The following NEGR1 variants were observed in gnomAD, a reference collection of about 807,000 sequenced individuals.
The protein encoded by NEGR1 is neuronal growth regulator 1, also known as IgLON family member 4.
A neutral mutation model predicts 40.9 loss-of-function variants in NEGR1; 10 were observed. The ratio of observed to expected loss-of-function variants is 0.24; its 90% CI spans 0.15 to 0.42. The LOEUF (loss-of-function observed/expected upper bound fraction) is 0.42, where lower values mean the gene tolerates loss of function less well. NEGR1 is among the 10% of genes least tolerant of loss of function. The probability of loss-of-function intolerance (pLI) is 1.00; values close to 1 mark genes in which losing one functional copy is unlikely to be tolerated. For missense variants in NEGR1, 352 were observed against 438.9 expected, an observed-to-expected ratio of 0.80 and a Z score of 1.77; for synonymous variants, 185 against 166.8, an observed-to-expected ratio of 1.11 and a Z score of -0.84.
At chr1:71,758,635 C>T (rs1194719909) in intron 3 of NEGR1, among the ~76,000 whole-genome samples, 1 of 151,982 alleles carries the variant, frequency 6.6e-6, no homozygotes, top group East Asian at 1.9e-4. Flanking sequence ...TATTCCATAG[C>T]AAAATATTCA....
At chr1:72,108,418 T>A (rs1296193791) in intron 1 of NEGR1, among the ~76,000 whole-genome samples, 1 of 151,554 alleles carries the variant, frequency 6.6e-6, no homozygotes, top group East Asian at 1.9e-4. Flanking sequence ...CACTGGCAAA[T>A]ATGACATATA....
chr1:71,804,948 C>A (rs1039840799), intron 2 of NEGR1, among the ~76,000 whole-genome samples: 2 of 152,138 alleles, frequency 1.3e-5, no homozygotes, highest in Admixed American at 6.5e-5. Context: ...TCGCTGAATT[C>A]TTTTTCTCAG....
intron 6 of NEGR1, among the ~76,000 whole-genome samples, chr1:71,412,165 A>T (rs1009978238): frequency 2.0e-5 from 3 of 152,142 alleles, no homozygotes; most frequent in Admixed American, 2.0e-4. Context: ...ATCTGGTTCT[A>T]GTCAACTTAT....
At chr1:71,466,104 C>A (rs1298878032) in intron 6 of NEGR1, among the ~76,000 whole-genome samples, 2 of 151,870 alleles carry the variant, frequency 1.3e-5, no homozygotes, top group East Asian at 3.9e-4. Context: ...CCCTCACCTG[C>A]AAAATGGTGA....
At chr1:72,033,220 G>T (rs917051991) in intron 1 of NEGR1, among the ~76,000 whole-genome samples, 1 of 152,044 alleles carries the variant, frequency 6.6e-6, no homozygotes, top group Non-Finnish European at 1.5e-5. Flanking sequence ...ATATGTATAG[G>T]ATATGCCTGG....
At chr1:72,132,026 G>C (rs1650274767) in intron 1 of NEGR1, among the ~76,000 whole-genome samples, 1 of 152,146 alleles carries the variant, frequency 6.6e-6, no homozygotes, top group Non-Finnish European at 1.5e-5. Flanking sequence ...TTTAACTTGG[G>C]AGGTGGAGGG....
chr1:71,638,859 T>C (rs557377030), intron 4 of NEGR1, among the ~76,000 whole-genome samples: 3 of 151,958 alleles, frequency 2.0e-5, no homozygotes, highest in African/African-American at 4.8e-5. Flanking sequence ...AATGCCCTTT[T>C]CCCCCATATT....
rs1265266245 is a variant in NEGR1 at position 71,400,087 on chromosome 1, A to G, written c.*7359T>C. 6.6e-6 allele frequency: 1 copy of G among 152,244 alleles called. No homozygotes were observed. Among genetic ancestry groups the G allele is most frequent in the Non-Finnish European group, 1.5e-5 (1 of 68,040 alleles). The allele number at this position is 152,244 out of a possible 1,614,324, so 9.4% of individuals were successfully genotyped here. A position where few individuals can be genotyped will look rare whatever the true frequency, so the allele number is the denominator to read the frequency against. ...TCCTTTTTGAATGTAAAAAGTCAAA[A>G]TTGATGAAGAAACTGGCAAATTCAA... On this transcript the variant is annotated 3_prime_UTR_variant, in exon 7 of 7. Coordinates refer to ENST00000357731, the MANE Select transcript of NEGR1 (RefSeq NM_173808.3).
At chr1:71,994,266 C>T (rs547639742) in intron 1 of NEGR1, among the ~76,000 whole-genome samples, 3 of 152,142 alleles carry the variant, frequency 2.0e-5, no homozygotes, top group Admixed American at 6.5e-5. Context: ...TGGTGGCTCA[C>T]GCCTGTAATC....
intron 4 of NEGR1, among the ~76,000 whole-genome samples, chr1:71,680,697 C>T (rs1057432889): frequency 2.6e-5 from 4 of 152,180 alleles, no homozygotes; most frequent in Admixed American, 6.6e-5. Flanking sequence ...CATTGCTCTC[C>T]TTCCGTCTTC....
chr1:72,204,595 T>C (rs1653330642), intron 1 of NEGR1, among the ~76,000 whole-genome samples: 1 of 152,158 alleles, frequency 6.6e-6, no homozygotes, highest in South Asian at 2.1e-4. Context: ...AGTCTGTTTT[T>C]CAAATATCCA....
chr1:71,597,460 C>CTGTGTG (rs1185213578), intron 5 of NEGR1, among the ~76,000 whole-genome samples: 80 of 64,782 alleles, frequency 1.2e-3, no homozygotes, highest in African/African-American at 4.2e-3. Flanking sequence ...CTCTCTCTCT[C>CTGTGTG]TCTCTCTCTC....
chr1:72,003,374 C>T (rs1187873065), intron 1 of NEGR1, among the ~76,000 whole-genome samples: 1 of 151,920 alleles, frequency 6.6e-6, no homozygotes, highest in African/African-American at 2.4e-5. Context: ...CATGCAATGC[C>T]ACTCTAAAGG....
At chr1:71,868,486 A>G (rs1265867940) in intron 2 of NEGR1, among the ~76,000 whole-genome samples, 3 of 149,362 alleles carry the variant, frequency 2.0e-5, no homozygotes, top group East Asian at 3.9e-4. Flanking sequence ...ATACATACAT[A>G]CATACATACA....
chr1:72,140,486 T>A (rs1047080119), intron 1 of NEGR1, among the ~76,000 whole-genome samples: 1 of 151,908 alleles, frequency 6.6e-6, no homozygotes, highest in Non-Finnish European at 1.5e-5. Flanking sequence ...CAAAGTCTCC[T>A]TTTTATAATG....
At chr1:71,517,737 C>G (rs1320423967) in intron 6 of NEGR1, among the ~76,000 whole-genome samples, 57 of 82,684 alleles carry the variant, frequency 6.9e-4, no homozygotes, top group African/African-American at 3.1e-3. Flanking sequence ...GGCAATCAGG[C>G]AGGAGAAGGA....
chr1:71,481,905 C>T (rs1214248413), intron 6 of NEGR1, among the ~76,000 whole-genome samples: 2 of 151,700 alleles, frequency 1.3e-5, no homozygotes, highest in Non-Finnish European at 2.9e-5. Flanking sequence ...TCCTTTGTTT[C>T]TCCCTTTTTT....
chr1:71,957,120 C>T (rs1243069887), intron 1 of NEGR1, among the ~76,000 whole-genome samples: 1 of 152,020 alleles, frequency 6.6e-6, no homozygotes, highest in African/African-American at 2.4e-5. Context: ...ATATGATATC[C>T]AAGATTAATC....
intron 4 of NEGR1, among the ~76,000 whole-genome samples, chr1:71,669,081 T>C (rs565962522): frequency 6.6e-6 from 1 of 152,332 alleles, no homozygotes; most frequent in South Asian, 2.1e-4. Context: ...TGAGTACATG[T>C]AGATTTAGAA....
Sources: gnomAD v4.1 joint callset for allele counts (sites outside exome capture counted in the v4.1 genomes callset) on GRCh38, gnomAD v4.1.1 for gene constraint, MANE v1.5 for transcripts, NCBI Gene and HGNC (gene_info 2026-07-23, HGNC 2026-07-21) for gene names.